Variants in EIF3J observed in about 807,000 individuals in gnomAD.
EIF3J encodes the protein eukaryotic translation initiation factor 3, subunit 1 (alpha, 35kD).
In EIF3J, 15 loss-of-function variants were observed where a neutral mutation model predicts 39.0. The ratio of observed to expected loss-of-function variants is 0.38; its 90% CI spans 0.26 to 0.59. The LOEUF (loss-of-function observed/expected upper bound fraction) is 0.59, where lower values mean the gene tolerates loss of function less well. Ranked by LOEUF, EIF3J falls within the 20% of genes least tolerant of loss-of-function variation. EIF3J has a pLI of 0.60. For missense variants in EIF3J, 226 were observed against 308.6 expected, an observed-to-expected ratio of 0.73 and a Z score of 2.00; for synonymous variants, 98 against 112.9, an observed-to-expected ratio of 0.87 and a Z score of 0.84.
intron 2 of EIF3J, among the ~76,000 whole-genome samples, chr15:44,541,332 A>G (rs377734599): frequency 2.0e-5 from 3 of 152,228 alleles, no homozygotes; most frequent in East Asian, 3.8e-4. Flanking sequence ...TTTAGAAGCT[A>G]GATTTATTCA....
intron 3 of EIF3J, 114 bp from the exon 4 acceptor site, chr15:44,551,317 T>A (rs754778529): frequency 1.4e-6 from 1 of 693,916 alleles, no homozygotes; most frequent in African/African-American, 1.8e-5. Context: ...GAAAAATCAC[T>A]GTTTGAAGCT....
rs200501321 is a variant in EIF3J, at chr15:44,557,474, T to G, written c.410-15T>G. On this transcript the variant is annotated splice_polypyrimidine_tract_variant and intron_variant, in intron 5 of 7. Coordinates refer to ENST00000261868, the MANE Select transcript of EIF3J (RefSeq NM_003758.4). ...TAACCTCCTGATACTTTTCAGTGCT[T>G]CTTTTCTCCTACAGGTGTTAATAAT... 2.9e-4 allele frequency: 430 copies of G among 1,492,224 alleles called. 4 individuals are homozygous for G. The East Asian group carries it at 0.011, about 37-fold the overall frequency. 92.4% of individuals were successfully genotyped at this position (1,492,224 alleles called of 1,614,324 possible). A position where few individuals can be genotyped will look rare whatever the true frequency, so the allele number is the denominator to read the frequency against.
intron 2 of EIF3J, among the ~76,000 whole-genome samples, chr15:44,549,987 C>T (rs945657344): frequency 1.3e-5 from 2 of 151,176 alleles, no homozygotes; most frequent in Admixed American, 1.3e-4. Context: ...AATTTTATTG[C>T]ATAAATTTGT....
chr15:44,554,723 G>T, intron 5 of EIF3J, 56 bp downstream of exon 5: 1 of 1,119,144 alleles, frequency 8.9e-7, no homozygotes, highest in Non-Finnish European at 1.3e-6. Flanking sequence ...TGAAGACCCA[G>T]AAAGTTCAGA....
At chr15:44,553,957 G>T (rs1438729347) in intron 4 of EIF3J, among the ~76,000 whole-genome samples, 1 of 152,052 alleles carries the variant, frequency 6.6e-6, no homozygotes, top group African/African-American at 2.4e-5. Flanking sequence ...TTTAAAAAAG[G>T]TTATAGAAGT....
Position 44,557,363 on chromosome 15 carries a change from C to T in EIF3J, c.410-126C>T, listed in dbSNP as rs538068680. On this transcript the variant is annotated intron_variant, in intron 5 of 7. Transcript: ENST00000261868. ...ATTCTATCCAGTGACTCCAGTGGCT[C>T]CAGGTTCAGAGCCCCTGCTTTAGAA... 6.7e-4 allele frequency: 415 copies of T among 615,202 alleles called. 1 individual carries two copies. The highest frequency in any genetic ancestry group is 9.4e-4 in the Non-Finnish European group (386 of 408,946). The allele number at this position is 615,202 out of a possible 1,614,324, so 38.1% of individuals were successfully genotyped here. A position where few individuals can be genotyped will look rare whatever the true frequency, so the allele number is the denominator to read the frequency against.
rs1350392379 is a variant in EIF3J at position 44,562,549 on chromosome 15, C to T, written c.*1400C>T. On this transcript the variant is annotated 3_prime_UTR_variant, in exon 8 of 8. Transcript: ENST00000261868. The stretch of plus-strand genomic sequence containing the variant: ...GGAACGTCAAAGCTCTGTATACCTA[C>T]TAAGTGGAAAACAAGACCATCATCT... The T allele has an allele frequency of 6.5e-6, 1 of 153,238 alleles. No individual in the cohort carries two copies. The highest frequency in any genetic ancestry group is 1.5e-5 in the Non-Finnish European group (1 of 68,546). The allele number at this position is 153,238 out of a possible 1,614,324, so 9.5% of individuals were successfully genotyped here.
intron 2 of EIF3J, among the ~76,000 whole-genome samples, chr15:44,549,915 G>A (rs1205655632): frequency 2.7e-5 from 4 of 150,730 alleles, no homozygotes; most frequent in Non-Finnish European, 4.4e-5. Flanking sequence ...AGCTGAGATC[G>A]TGACATTGCA....
intron 2 of EIF3J, among the ~76,000 whole-genome samples, chr15:44,538,029 C>T (rs1209025462): frequency 6.6e-6 from 1 of 152,080 alleles, no homozygotes; most frequent in Non-Finnish European, 1.5e-5. Flanking sequence ...TGAGATAGCC[C>T]GCAGTTAGTG....
intron 4 of EIF3J, among the ~76,000 whole-genome samples, 158 bp from the exon 5 acceptor site, chr15:44,554,395 A>C (rs1050659061): frequency 3.3e-5 from 5 of 151,736 alleles, no homozygotes; most frequent in Non-Finnish European, 5.9e-5. Flanking sequence ...AAAAAAAAAA[A>C]AAAAACTAAA....
At chr15:44,544,122 C>G (rs1175959865) in intron 2 of EIF3J, among the ~76,000 whole-genome samples, 1 of 130,950 alleles carries the variant, frequency 7.6e-6, no homozygotes, top group East Asian at 2.3e-4. Flanking sequence ...TAGACGGAGG[C>G]CTTCTCTATC....
chr15:44,537,945 C>T (rs2081974200), intron 2 of EIF3J, among the ~76,000 whole-genome samples: 2 of 152,124 alleles, frequency 1.3e-5, no homozygotes, highest in African/African-American at 4.8e-5. Context: ...CACGAGACAG[C>T]TAGAAACAGT....
At chr15:44,552,868 A>G (rs2082112124) in intron 4 of EIF3J, among the ~76,000 whole-genome samples, 1 of 152,068 alleles carries the variant, frequency 6.6e-6, no homozygotes, top group Non-Finnish European at 1.5e-5. Flanking sequence ...CCTATTTTCT[A>G]TTTCAGAACA....
At chr15:44,543,232 C>T (rs1399888383) in intron 2 of EIF3J, among the ~76,000 whole-genome samples, 3 of 152,084 alleles carry the variant, frequency 2.0e-5, no homozygotes, top group Admixed American at 1.3e-4. Context: ...GGAAGTGTGA[C>T]CAGTCTCTTT....
In EIF3J at chr15:44,562,310, TACC is replaced by T. The variant is rs2140906463; in HGVS notation, c.*1163_*1165del. 6.5e-6 allele frequency: 1 copy of T among 152,752 alleles called. No homozygotes were observed. Among genetic ancestry groups the T allele is most frequent in the African/African-American group, 2.4e-5 (1 of 41,584 alleles). The allele number at this position is 152,752 out of a possible 1,614,324, so 9.5% of individuals were successfully genotyped here. ...TGGGGACATTATTTTGTTATTTAGATACCAAGGCCTAATTAATTAAGTACCTAT... is the reference window on the plus strand; with the variant it reads ...TGGGGACATTATTTTGTTATTTAGATAAGGCCTAATTAATTAAGTACCTAT... On this transcript the variant is annotated 3_prime_UTR_variant, in exon 8 of 8. Transcript: ENST00000261868.
chr15:44,561,330 CT>C lies in EIF3J; in HGVS notation c.*182del. The C allele has an allele frequency of 3.4e-6, 2 of 589,686 alleles. No individual in the cohort carries two copies. Among genetic ancestry groups the C allele is most frequent in the South Asian group, 8.4e-5 (2 of 23,928 alleles). The allele number at this position is 589,686 out of a possible 1,614,324, so 36.5% of individuals were successfully genotyped here. A position where few individuals can be genotyped will look rare whatever the true frequency, so the allele number is the denominator to read the frequency against. ...TGCAAATGAGGGAACTTGGATCTTG[CT>C]GCCAAGGGGTTAAAATTGGGAACCT... On this transcript the variant is annotated 3_prime_UTR_variant, in exon 8 of 8. Coordinates refer to ENST00000261868, the MANE Select transcript of EIF3J (RefSeq NM_003758.4).
At chr15:44,557,339 T>A in intron 5 of EIF3J, 150 bp from the exon 6 acceptor site, 1 of 435,500 alleles carries the variant, frequency 2.3e-6, no homozygotes, top group Non-Finnish European at 3.9e-6. Context: ...CACCCAGCCA[T>A]TCTATCCAGT....
At chr15:44,543,417 C>CTT (rs759322625) in intron 2 of EIF3J, among the ~76,000 whole-genome samples, 7 of 135,432 alleles carry the variant, frequency 5.2e-5, no homozygotes, top group Non-Finnish European at 1.6e-5. Context: ...ATAGGAACCA[C>CTT]TTTTTTTTTT....
At chr15:44,556,902 C>A (rs946898637) in intron 5 of EIF3J, among the ~76,000 whole-genome samples, 1 of 152,062 alleles carries the variant, frequency 6.6e-6, no homozygotes, top group Non-Finnish European at 1.5e-5. Context: ...TCAAGCGATC[C>A]TTCCTCTTAG....
Sources: gnomAD v4.1 joint callset for allele counts (sites outside exome capture counted in the v4.1 genomes callset) on GRCh38, gnomAD v4.1.1 for gene constraint, MANE v1.5 for transcripts, NCBI Gene and HGNC (gene_info 2026-07-23, HGNC 2026-07-21) for gene names.